The following ELAPOR1 variants were observed in gnomAD, a reference collection of about 807,000 sequenced individuals.
ELAPOR1 encodes endosome-lysosome associated apoptosis and autophagy regulator 1.
A neutral mutation model predicts 119.7 loss-of-function variants in ELAPOR1; 77 were observed. The ratio of observed to expected loss-of-function variants is 0.64; its 90% CI spans 0.54 to 0.78. The LOEUF (loss-of-function observed/expected upper bound fraction) is 0.78, where lower values mean the gene tolerates loss of function less well. Among genes scored for constraint, ELAPOR1 ranks in the 30% least tolerant of loss-of-function variants. ELAPOR1 has a pLI of 0.00. For missense variants in ELAPOR1, 1,115 were observed against 1,270.4 expected (o/e 0.88, Z 1.86); for synonymous variants, 481 against 487.2 (o/e 0.99, Z 0.17).
At chr1:109,139,442 C>T (rs1374886972) in intron 1 of ELAPOR1, among the ~76,000 whole-genome samples, 1 of 152,176 alleles carries the variant, frequency 6.6e-6, no homozygotes, top group East Asian at 1.9e-4. Flanking sequence ...ACACAGAAGA[C>T]ATTATAACAG....
chr1:109,186,161 T>C (rs1570708366), intron 8 of ELAPOR1, among the ~76,000 whole-genome samples: 1 of 147,810 alleles, frequency 6.8e-6, no homozygotes, highest in Non-Finnish European at 1.5e-5. Context: ...TCTCAGGAGG[T>C]GACATTTGAG....
At chr1:109,149,498 A>C (rs905205853) in intron 1 of ELAPOR1, among the ~76,000 whole-genome samples, 1 of 152,148 alleles carries the variant, frequency 6.6e-6, no homozygotes, top group African/African-American at 2.4e-5. Flanking sequence ...ATGGGGTGGC[A>C]GGATAAAAGC....
intron 1 of ELAPOR1, among the ~76,000 whole-genome samples, chr1:109,157,691 C>T (rs1056026242): frequency 2.0e-5 from 3 of 152,150 alleles, no homozygotes; most frequent in African/African-American, 7.2e-5. Flanking sequence ...GGTGGGATCA[C>T]TTCTAATTTG....
intron 1 of ELAPOR1, among the ~76,000 whole-genome samples, chr1:109,149,319 AC>A (rs558329568): frequency 1.3e-3 from 196 of 151,528 alleles, no homozygotes; most frequent in Non-Finnish European, 2.3e-3. Flanking sequence ...TTTTTTTTTA[AC>A]CAGTTTACAA....
rs564955354 is a variant in ELAPOR1 at position 109,164,383 on chromosome 1, T to C, written c.275-116T>C. ...TAAATGCCATGGCCCTAAATCTTAG[T>C]GGGCCAAACTCCTAGACCCCAACCC... On this transcript the variant is annotated intron_variant, in intron 2 of 21. Coordinates refer to ENST00000369939, the MANE Select transcript of ELAPOR1 (RefSeq NM_020775.5). 667 of 820,770 alleles carry C rather than the reference T, an allele frequency of 8.1e-4. 1 individual carries two copies. Among genetic ancestry groups the C allele is most frequent in the Non-Finnish European group, 1.2e-3 (601 of 518,666 alleles). The allele number at this position is 820,770 out of a possible 1,614,324, so 50.8% of individuals were successfully genotyped here. A position where few individuals can be genotyped will look rare whatever the true frequency, so the allele number is the denominator to read the frequency against.
Position 109,183,358 on chromosome 1 carries a change from GAGA to G in ELAPOR1, c.953-1686_953-1684del, listed in dbSNP as rs1271065218. Among the ~76,000 whole-genome samples, 16 of 8,380 alleles carry G rather than the reference GAGA, an allele frequency of 1.9e-3. No homozygotes were observed. In the East Asian group the frequency reaches 0.16, roughly 83 times the overall value. 5.5% of individuals were successfully genotyped at this position (8,380 alleles called of 152,430 possible). A position where few individuals can be genotyped will look rare whatever the true frequency, so the allele number is the denominator to read the frequency against. ...AAAAAAAAAAAAAAAACAAAAAAAA[GAGA>G]GAGAGAGAGAAAAGAAAACAAACCC... is the stretch of plus-strand genomic sequence containing the variant. On this transcript the variant is annotated intron_variant, in intron 7 of 21. Coordinates refer to ENST00000369939, the MANE Select transcript of ELAPOR1 (RefSeq NM_020775.5).
chr1:109,200,980 T>G, intron 21 of ELAPOR1, 80 bp downstream of exon 21: 7 of 1,381,620 alleles, frequency 5.1e-6, no homozygotes, highest in Non-Finnish European at 6.9e-6. Context: ...AATGGTCCTG[T>G]ACCGTTCAGG....
intron 1 of ELAPOR1, among the ~76,000 whole-genome samples, chr1:109,147,089 T>C (rs1650225361): frequency 7.3e-6 from 1 of 136,468 alleles, no homozygotes; most frequent in South Asian, 2.4e-4. Flanking sequence ...TTTTTTTTTG[T>C]ATTTTTAGTA....
chr1:109,172,079 G>T, intron 4 of ELAPOR1, 66 bp downstream of exon 4: 2 of 1,563,922 alleles, frequency 1.3e-6, no homozygotes, highest in Non-Finnish European at 8.8e-7. Context: ...ATCCGTTTGA[G>T]GAATCCATCA....
intron 14 of ELAPOR1, 125 bp downstream of exon 14, chr1:109,192,999 G>T: frequency 9.1e-7 from 1 of 1,093,786 alleles, no homozygotes; most frequent in Non-Finnish European, 1.3e-6. Context: ...ATACTCCTAG[G>T]TTGGAGTCCT....
chr1:109,173,689 G>T lies in ELAPOR1; in HGVS notation c.804G>T (p.Gly268=). 6.2e-7 allele frequency: 1 copy of T among 1,613,994 alleles called. No homozygotes were observed. Among genetic ancestry groups the T allele is most frequent in the Non-Finnish European group, 8.5e-7 (1 of 1,179,988 alleles). ...PVLVRNIAIT[G]VAYTSECFPC... ...TTCTGTGCTCTTCCTCCTCCCTAGG[G>T]GTGGCCTACACTTCAGAATGCTTCC... The change falls in exon 7 of 22, where the codon GGG becomes GGT. Residue 268 remains glycine, a splice_region_variant and synonymous_variant. Coordinates refer to ENST00000369939, the MANE Select transcript of ELAPOR1 (RefSeq NM_020775.5).
intron 1 of ELAPOR1, among the ~76,000 whole-genome samples, chr1:109,156,499 C>T (rs904586240): frequency 1.3e-5 from 2 of 150,430 alleles, no homozygotes; most frequent in African/African-American, 5.0e-5. Flanking sequence ...CCATCCTGCT[C>T]CTCTAGCCCC....
chr1:109,177,613 G>A (rs541742690), intron 7 of ELAPOR1, among the ~76,000 whole-genome samples: 4 of 151,286 alleles, frequency 2.6e-5, no homozygotes, highest in Non-Finnish European at 5.9e-5. Flanking sequence ...AGGTTGTAGC[G>A]AGCCGAGATC....
At chr1:109,187,631 C>G in intron 8 of ELAPOR1, 1 of 1,002,174 alleles carries the variant, frequency 1.0e-6, no homozygotes, top group Non-Finnish European at 1.2e-6. Context: ...CTTCTGTACC[C>G]AATGCAGGGG....
intron 1 of ELAPOR1, 124 bp downstream of exon 1, chr1:109,114,460 G>T: frequency 8.4e-7 from 1 of 1,185,074 alleles, no homozygotes; most frequent in Non-Finnish European, 1.2e-6. Flanking sequence ...TTGGGGATGA[G>T]GCGTGGGGGG....
chr1:109,141,450 A>T (rs2100999434), intron 1 of ELAPOR1, among the ~76,000 whole-genome samples: 1 of 150,908 alleles, frequency 6.6e-6, no homozygotes, highest in South Asian at 2.1e-4. Flanking sequence ...TTTAGTAGAG[A>T]CAGGGTTTCA....
At chr1:109,190,447 A>G (rs1323754080) in intron 11 of ELAPOR1, among the ~76,000 whole-genome samples, 1 of 152,218 alleles carries the variant, frequency 6.6e-6, no homozygotes, top group Non-Finnish European at 1.5e-5. Context: ...TCCAAGGCCA[A>G]AGTGAACTCT....
At chr1:109,185,154 G>T in intron 8 of ELAPOR1, 21 bp downstream of exon 8, 1 of 1,575,460 alleles carries the variant, frequency 6.3e-7, no homozygotes, top group Non-Finnish European at 8.7e-7. Context: ...CAGTCTTGGA[G>T]CCCCTTAGCC....
chr1:109,189,685 G>A lies in ELAPOR1; in HGVS notation c.1439+3G>A. 2 of 1,613,284 alleles carry A rather than the reference G, an allele frequency of 1.2e-6. No homozygotes were observed. Among genetic ancestry groups the A allele is most frequent in the Non-Finnish European group, 1.7e-6 (2 of 1,179,272 alleles). On this transcript the variant is annotated splice_donor_region_variant and intron_variant, in intron 11 of 21. Transcript: ENST00000369939. ...ACTCTGGTTGTGCCAGGATTTAGGT[G>A]AGGAATCCAAAGCCCAGGGGAGTCC... is the stretch of plus-strand genomic sequence containing the variant.
Sources: gnomAD v4.1 joint callset for allele counts (sites outside exome capture counted in the v4.1 genomes callset) on GRCh38, gnomAD v4.1.1 for gene constraint, MANE v1.5 for transcripts, NCBI Gene and HGNC (gene_info 2026-07-23, HGNC 2026-07-21) for gene names.